Variants in EDEM3 observed in about 807,000 individuals in gnomAD.
EDEM3 encodes the protein ER degradation-enhancing alpha-mannosidase-like protein 3.
Under a neutral mutation model 110.2 loss-of-function variants are expected in EDEM3, and 60 were observed. The observed-to-expected ratio is 0.54, with a 90% CI of 0.44 to 0.67. The LOEUF (loss-of-function observed/expected upper bound fraction) is 0.67. Among genes scored for constraint, EDEM3 ranks in the 30% least tolerant of loss-of-function variants. The pLI, the probability that EDEM3 is intolerant of heterozygous loss-of-function variation, is 0.00. For missense variants in EDEM3, 996 were observed against 1,121.0 expected (o/e 0.89, Z 1.59); for synonymous variants, 352 against 382.9 (o/e 0.92, Z 0.94).
intron 15 of EDEM3, 80 bp downstream of exon 15, chr1:184,711,643 T>C: frequency 6.0e-6 from 8 of 1,329,854 alleles, no homozygotes; most frequent in Non-Finnish European, 8.0e-6. Context: ...TTCTTGGCTG[T>C]TGATACATGC....
At chr1:184,752,946 T>C (rs1017098819) in intron 1 of EDEM3, among the ~76,000 whole-genome samples, 1 of 152,218 alleles carries the variant, frequency 6.6e-6, no homozygotes, top group Non-Finnish European at 1.5e-5. Flanking sequence ...GTGAGATATT[T>C]GGTAAAACTT....
At chr1:184,737,191 G>A (rs1651877434) in intron 3 of EDEM3, 127 bp from the exon 4 acceptor site, 1 of 758,340 alleles carries the variant, frequency 1.3e-6, no homozygotes, top group Non-Finnish European at 2.2e-6. Context: ...TGTATCTATA[G>A]TACAATGAAA....
At chr1:184,707,467 C>G (rs1649990575) in intron 17 of EDEM3, among the ~76,000 whole-genome samples, 1 of 152,214 alleles carries the variant, frequency 6.6e-6, no homozygotes, top group Admixed American at 6.5e-5. Flanking sequence ...ATAGTAGGCA[C>G]TCAATCAACA....
At chr1:184,736,387 T>G (rs187403653) in intron 4 of EDEM3, among the ~76,000 whole-genome samples, 1 of 152,182 alleles carries the variant, frequency 6.6e-6, no homozygotes, top group East Asian at 1.9e-4. Context: ...TAACTGGAAG[T>G]TGAGAATTAT....
rs142014096 is a variant in EDEM3, at chr1:184,704,190, T to A, written c.2204-1194A>T. Among the ~76,000 whole-genome samples the A allele has an allele frequency of 2.6e-5, 4 of 152,254 alleles. No individual in the cohort carries two copies. The East Asian group carries it at 7.7e-4, about 29-fold the overall frequency. ...CTCCCTTCTTAAACCAACGTAATTA[T>A]CTCCTGCAGCCACATGATTTCTAAG... On this transcript the variant is annotated intron_variant, in intron 18 of 19. Transcript: ENST00000318130.
At chr1:184,727,062 C>T (rs1271196578) in intron 6 of EDEM3, among the ~76,000 whole-genome samples, 1 of 152,156 alleles carries the variant, frequency 6.6e-6, no homozygotes, top group African/African-American at 2.4e-5. Context: ...GAGGCCAAGG[C>T]GAGTGGATCA....
chr1:184,726,414 T>G, intron 6 of EDEM3, 25 bp from the exon 7 acceptor site: 1 of 1,608,424 alleles, frequency 6.2e-7, no homozygotes, highest in South Asian at 1.1e-5. Flanking sequence ...AAAATTGTCA[T>G]TAGCAGTTAT....
At chr1:184,704,730 A>G (rs1649821490) in intron 18 of EDEM3, among the ~76,000 whole-genome samples, 1 of 146,444 alleles carries the variant, frequency 6.8e-6, no homozygotes, top group Admixed American at 6.9e-5. Context: ...CACAGAACCC[A>G]GTATACCATT....
At chr1:184,703,512 T>C (rs767603713) in intron 18 of EDEM3, among the ~76,000 whole-genome samples, 4 of 152,320 alleles carry the variant, frequency 2.6e-5, no homozygotes, top group Non-Finnish European at 4.4e-5. Context: ...ACACAAAGAA[T>C]AGTTATGACT....
In EDEM3 at chr1:184,721,304, C is replaced by T. The variant is rs1313001569; in HGVS notation, c.936G>A (p.Leu312=). The T allele has an allele frequency of 6.2e-7, 1 of 1,600,214 alleles. No homozygotes were observed. The highest frequency in any genetic ancestry group is 1.7e-5 in the Admixed American group (1 of 57,308). The change falls in exon 9 of 20, where the codon CTG becomes CTA. Residue 312 remains leucine, a synonymous_variant. Transcript: ENST00000318130. ...AYVLLGDDSF[L]ERFNTHYDAI... ...ATCAACTTACTGTGTTAAATCTTTCCAGAAAACTGTCATCTCCAAGCAAGA... is the reference window on the plus strand; with the variant it reads ...ATCAACTTACTGTGTTAAATCTTTCTAGAAAACTGTCATCTCCAAGCAAGA...
intron 16 of EDEM3, among the ~76,000 whole-genome samples, chr1:184,708,688 C>G (rs1277299949): frequency 1.3e-5 from 2 of 152,160 alleles, no homozygotes; most frequent in East Asian, 3.9e-4. Context: ...CATACCTGAC[C>G]CACACTTTCC....
At chr1:184,715,829 T>C (rs973923534) in intron 13 of EDEM3, among the ~76,000 whole-genome samples, 2 of 152,214 alleles carry the variant, frequency 1.3e-5, no homozygotes, top group East Asian at 3.8e-4. Context: ...ATTACTTGTA[T>C]GCCTGCTTCC....
intron 9 of EDEM3, 139 bp from the exon 10 acceptor site, chr1:184,719,707 T>C: frequency 1.2e-6 from 1 of 840,440 alleles, no homozygotes; most frequent in Non-Finnish European, 1.7e-6. Context: ...TATATAAATA[T>C]TTAAGTTATT....
At chr1:184,703,382 C>A (rs1371836375) in intron 18 of EDEM3, among the ~76,000 whole-genome samples, 1 of 152,106 alleles carries the variant, frequency 6.6e-6, no homozygotes, top group Non-Finnish European at 1.5e-5. Context: ...AGGAAAAAAT[C>A]AATGACTCGG....
intron 1 of EDEM3, among the ~76,000 whole-genome samples, chr1:184,749,974 C>G (rs932685597): frequency 2.0e-5 from 3 of 151,970 alleles, no homozygotes; most frequent in South Asian, 2.1e-4. Flanking sequence ...GCTGGACAGC[C>G]CTTTAAAAAA....
At chr1:184,720,386 T>C (rs894874036) in intron 9 of EDEM3, 1 of 151,970 alleles carries the variant, frequency 6.6e-6, no homozygotes, top group Admixed American at 6.6e-5. Flanking sequence ...AATAACCCTA[T>C]AAATAGTACT....
chr1:184,695,611 CTG>C (rs1017747895), intron 19 of EDEM3, among the ~76,000 whole-genome samples: 6 of 151,990 alleles, frequency 3.9e-5, no homozygotes, highest in Non-Finnish European at 8.8e-5. Context: ...AAAAAAATCT[CTG>C]TATGTTCAAT....
chr1:184,711,624 G>A, intron 15 of EDEM3, 99 bp downstream of exon 15: 2 of 1,126,388 alleles, frequency 1.8e-6, no homozygotes, highest in South Asian at 4.7e-5. Flanking sequence ...TTCGGCCTAT[G>A]TGAATGTCTT....
At position 184,717,554 on chromosome 1, in the gene EDEM3, A is replaced by C; in HGVS notation, c.1231T>G (p.Tyr411Asp). ...PLRPEFAEST[Y>D]FLYKATGDPY... ...TATTTTCTTACTTTATATAAGAAGT[A>C]GGTACTTTCTGCAAATTCTGGCCTT... is the stretch of plus-strand genomic sequence containing the variant. Residue 411 changes from tyrosine (Y) to aspartate (D), a missense_variant, in exon 12 of 20, where the codon TAC becomes GAC. Physicochemically the swap from Tyr to Asp is radical, Grantham distance 160 (BLOSUM62 -3). Around this residue, in one of 5 missense-constraint regions of EDEM3, gnomAD observed 310 missense variants for 394.6 expected, o/e 0.79. Coordinates refer to ENST00000318130, the MANE Select transcript of EDEM3 (RefSeq NM_025191.4). The C allele has an allele frequency of 6.2e-7, 1 of 1,607,788 alleles. No individual in the cohort carries two copies. The highest frequency in any genetic ancestry group is 8.5e-7 in the Non-Finnish European group (1 of 1,177,356).
Sources: allele counts gnomAD v4.1 joint callset (sites outside exome capture counted in the v4.1 genomes callset), GRCh38; gene constraint gnomAD v4.1.1; regional missense constraint gnomAD v4.1.1; transcripts MANE v1.5; gene names NCBI Gene and HGNC (gene_info 2026-07-23, HGNC 2026-07-21).